The following PDE4D variants were observed in gnomAD, a reference collection of about 807,000 sequenced individuals.
The protein encoded by PDE4D is 3',5'-cyclic-AMP phosphodiesterase 4D.
PDE4D carries 24 observed loss-of-function variants against 87.4 expected under a neutral mutation model. The ratio of observed to expected loss-of-function variants is 0.27; its 90% CI spans 0.20 to 0.39. PDE4D has a LOEUF of 0.39. Ranked by LOEUF, PDE4D falls within the 10% of genes least tolerant of loss-of-function variation. The pLI, the probability that PDE4D is intolerant of heterozygous loss-of-function variation, is 1.00. For synonymous variants in PDE4D, 384 were observed against 383.2 expected (o/e 1.00, Z -0.02); for missense variants, 714 against 1,041.0 (o/e 0.69, Z 4.32).
chr5:59,625,844 G>T (rs1288845616), intron 1 of PDE4D, among the ~76,000 whole-genome samples: 1 of 152,202 alleles, frequency 6.6e-6, no homozygotes, highest in East Asian at 1.9e-4. Context: ...ACTTTGGGAG[G>T]CTGAGGCGGG....
At chr5:59,606,497 A>T (rs1164499682) in intron 1 of PDE4D, among the ~76,000 whole-genome samples, 3 of 152,052 alleles carry the variant, frequency 2.0e-5, no homozygotes, top group Non-Finnish European at 4.4e-5. Context: ...AATCTGAGGA[A>T]CCTGGAGAGG....
chr5:60,042,672 C>G (rs1162905071), intron 2 of PDE4D, among the ~76,000 whole-genome samples: 1 of 152,164 alleles, frequency 6.6e-6, no homozygotes, highest in African/African-American at 2.4e-5. Context: ...GAGTGGACAT[C>G]CAGCAAACTC....
Position 60,062,973 on chromosome 5 carries a change from C to T in PDE4D, c.43-74256G>A, listed in dbSNP as rs1390712152. 2.6e-5 allele frequency among the ~76,000 whole-genome samples: 4 copies of T among 151,458 alleles called. No homozygotes were observed. The East Asian group carries it at 7.8e-4, about 30-fold the overall frequency. ...AGACAAATAGCTAATGCATGCAGGG[C>T]TTAAAACCCAGGTGATGGGTTGATA... is the stretch of plus-strand genomic sequence containing the variant. On this transcript the variant is annotated intron_variant, in intron 2 of 16. Transcript: ENST00000502484.
At position 59,102,390 on chromosome 5, in the gene PDE4D, C is replaced by T. The variant is rs184011326; in HGVS notation, c.809-63419G>A. 2.9e-3 allele frequency among the ~76,000 whole-genome samples: 449 copies of T among 152,212 alleles called. 2 individuals are homozygous for T. Among genetic ancestry groups the T allele is most frequent in the African/African-American group, 0.011 (440 of 41,540 alleles). ...CATGAGCCATCGCGCCTGGCCCCTA[C>T]ATTTTTAATGCCTCTAAAATCCAGA... On this transcript the variant is annotated intron_variant, in intron 5 of 14. Coordinates refer to ENST00000340635, the MANE Select transcript of PDE4D (RefSeq NM_001104631.2).
intron 1 of PDE4D, among the ~76,000 whole-genome samples, chr5:59,380,594 A>G (rs193072277): frequency 5.3e-5 from 8 of 152,272 alleles, no homozygotes; most frequent in Middle Eastern, 3.4e-3. Flanking sequence ...GCAGTTTCTC[A>G]TAATTGTAGT....
At chr5:59,424,671 C>A (rs919871244) in intron 1 of PDE4D, among the ~76,000 whole-genome samples, 2 of 152,100 alleles carry the variant, frequency 1.3e-5, no homozygotes, top group African/African-American at 4.8e-5. Context: ...GGAAACTGCC[C>A]CCATGATTCA....
At position 60,157,508 on chromosome 5, in the gene PDE4D, G is replaced by T. The variant is rs552535402; in HGVS notation, c.42+28049C>A. Among the ~76,000 whole-genome samples the T allele has an allele frequency of 6.7e-4, 102 of 152,022 alleles. 1 individual carries two copies. Among genetic ancestry groups the T allele is most frequent in the Non-Finnish European group, 1.4e-3 (94 of 67,974 alleles). Reference sequence around the variant, plus strand: ...GGTGAAGATTTAGAGAATGAGGAGGGTGCTATTTCAGACAGGCATTAAGGA... The same window carrying T: ...GGTGAAGATTTAGAGAATGAGGAGGTTGCTATTTCAGACAGGCATTAAGGA... On this transcript the variant is annotated intron_variant, in intron 2 of 16. Transcript: ENST00000502484.
chr5:60,054,135 C>T (rs1269571653), intron 2 of PDE4D, among the ~76,000 whole-genome samples: 2 of 152,102 alleles, frequency 1.3e-5, no homozygotes, highest in Non-Finnish European at 2.9e-5. Flanking sequence ...GGCAATTCCT[C>T]AAGGATCTAG....
chr5:60,121,702 C>G (rs933646269), intron 2 of PDE4D, among the ~76,000 whole-genome samples: 1 of 152,118 alleles, frequency 6.6e-6, no homozygotes, highest in Non-Finnish European at 1.5e-5. Flanking sequence ...GGTGGGGACA[C>G]GGAGCTAAAC....
intron 1 of PDE4D, among the ~76,000 whole-genome samples, chr5:59,306,414 C>A (rs1771379675): frequency 6.6e-6 from 1 of 152,124 alleles, no homozygotes; most frequent in Non-Finnish European, 1.5e-5. Context: ...ATGTGAGGTA[C>A]CATTGCATTC....
chr5:60,498,052 G>A (rs1188493455), intron 1 of PDE4D, among the ~76,000 whole-genome samples: 2 of 152,102 alleles, frequency 1.3e-5, no homozygotes, highest in African/African-American at 4.8e-5. Context: ...AAGAAACAAT[G>A]ATCCATTCAA....
intron 1 of PDE4D, among the ~76,000 whole-genome samples, chr5:59,427,767 C>T (rs2216687): frequency 6.8e-6 from 1 of 147,038 alleles, no homozygotes; most frequent in African/African-American, 2.5e-5. Flanking sequence ...CTGCCCTGAT[C>T]TATGATTGCT....
chr5:59,171,375 C>A (rs1438323483), intron 5 of PDE4D, among the ~76,000 whole-genome samples: 1 of 152,086 alleles, frequency 6.6e-6, no homozygotes, highest in Non-Finnish European at 1.5e-5. Flanking sequence ...TGGGGCTGCC[C>A]CTAGTCTTTC....
chr5:60,107,134 GAGA>G (rs1174501739), intron 2 of PDE4D, among the ~76,000 whole-genome samples: 2 of 152,128 alleles, frequency 1.3e-5, no homozygotes, highest in African/African-American at 2.4e-5. Flanking sequence ...GAAAAAAAGA[GAGA>G]AGAATCAAAT....
At chr5:59,773,199 G>A (rs1205642259) in intron 1 of PDE4D, among the ~76,000 whole-genome samples, 1 of 152,150 alleles carries the variant, frequency 6.6e-6, no homozygotes, top group African/African-American at 2.4e-5. Flanking sequence ...TACTTAGGGT[G>A]TTGCTTTCGT....
At chr5:60,066,784 C>T (rs552138637) in intron 2 of PDE4D, among the ~76,000 whole-genome samples, 9 of 151,990 alleles carry the variant, frequency 5.9e-5, no homozygotes, top group East Asian at 1.9e-4. Flanking sequence ...CCATATATGC[C>T]GATGTGCATT....
At chr5:59,008,777 G>A (rs1486939294) in intron 6 of PDE4D, among the ~76,000 whole-genome samples, 1 of 151,920 alleles carries the variant, frequency 6.6e-6, no homozygotes, top group Non-Finnish European at 1.5e-5. Context: ...TAAGAAAACA[G>A]AACAACAAGC....
intron 1 of PDE4D, among the ~76,000 whole-genome samples, chr5:59,361,574 C>T (rs976559958): frequency 1.3e-5 from 2 of 152,100 alleles, no homozygotes; most frequent in African/African-American, 4.8e-5. Flanking sequence ...TCACTTCCTC[C>T]GGAAGTCTTC....
intron 1 of PDE4D, among the ~76,000 whole-genome samples, chr5:60,344,778 A>G (rs1438137475): frequency 1.3e-5 from 2 of 152,212 alleles, no homozygotes; most frequent in Non-Finnish European, 2.9e-5. Context: ...ACACTCATCT[A>G]TATAGTCTTC....
Sources: allele counts gnomAD v4.1 joint callset (sites outside exome capture counted in the v4.1 genomes callset), GRCh38; gene constraint gnomAD v4.1.1; transcripts MANE v1.5; gene names NCBI Gene and HGNC (gene_info 2026-07-23, HGNC 2026-07-21).